CAMTA1: variants seen among roughly 807,000 people sequenced by gnomAD.
CAMTA1 encodes calmodulin-binding transcription activator 1.
CAMTA1 carries 27 observed loss-of-function variants against 170.9 expected under a neutral mutation model. That is an observed-to-expected ratio of 0.16 (90% confidence interval 0.12 to 0.22). CAMTA1 has a LOEUF of 0.22. CAMTA1 is among the 10% of genes least tolerant of loss of function. The probability of loss-of-function intolerance (pLI) is 1.00; values close to 1 mark genes in which losing one functional copy is unlikely to be tolerated. For synonymous variants in CAMTA1, 833 were observed against 891.5 expected (o/e 0.93, Z 1.17); for missense variants, 1,619 against 2,217.2 (o/e 0.73, Z 5.42).
chr1:7,677,856 GC>G (rs1450601466), intron 11 of CAMTA1, 123 bp downstream of exon 11: 2 of 1,144,634 alleles, frequency 1.7e-6, no homozygotes, highest in East Asian at 2.6e-5. Flanking sequence ...GCCAATGTGA[GC>G]AAAGGAAGGC....
At chr1:7,012,999 G>T (rs1477227545) in intron 3 of CAMTA1, among the ~76,000 whole-genome samples, 1 of 151,910 alleles carries the variant, frequency 6.6e-6, no homozygotes, top group Non-Finnish European at 1.5e-5. Context: ...ACTTCATCCT[G>T]CTAGTGTCTT....
At chr1:7,276,523 A>G (rs2149435127) in intron 5 of CAMTA1, among the ~76,000 whole-genome samples, 1 of 151,472 alleles carries the variant, frequency 6.6e-6, no homozygotes, top group South Asian at 2.1e-4. Flanking sequence ...GTTAGCCAGG[A>G]TGGTCTCAAT....
intron 3 of CAMTA1, among the ~76,000 whole-genome samples, chr1:6,950,015 T>C (rs2149470387): frequency 6.6e-6 from 1 of 152,348 alleles, no homozygotes; most frequent in East Asian, 1.9e-4. Context: ...GTGTGCCTGA[T>C]TCCAGGCCCC....
At chr1:7,553,991 A>C (rs2094843626) in intron 6 of CAMTA1, among the ~76,000 whole-genome samples, 1 of 152,132 alleles carries the variant, frequency 6.6e-6, no homozygotes, top group Admixed American at 6.5e-5. Context: ...TGGGCCACAA[A>C]GTGATGGGTT....
intron 6 of CAMTA1, among the ~76,000 whole-genome samples, chr1:7,468,887 G>A (rs1179676197): frequency 6.6e-6 from 1 of 152,198 alleles, no homozygotes; most frequent in Non-Finnish European, 1.5e-5. Context: ...TATGACACAA[G>A]CTCAGGGAGA....
At chr1:7,668,388 A>AACACACACAAACACACACACAC (rs1553241633) in intron 9 of CAMTA1, among the ~76,000 whole-genome samples, 4 of 101,476 alleles carry the variant, frequency 3.9e-5, no homozygotes, top group African/African-American at 1.1e-4. Context: ...GCTGGTCACC[A>AACACACACAAACACACACACAC]ACACACACAC....
In CAMTA1 at chr1:7,560,178, A is replaced by T. The variant is rs1319446545; in HGVS notation, c.511-80222A>T. Among the ~76,000 whole-genome samples the T allele has an allele frequency of 6.6e-5, 10 of 152,176 alleles. No homozygotes were observed. The East Asian group carries it at 1.9e-3, about 29-fold the overall frequency. ...TGTCCCTGGTCCCGAAGGGGGAATG[A>T]GGGCAGCAGGGCCCCCTGGCACCTG... On this transcript the variant is annotated intron_variant, in intron 6 of 22. Coordinates refer to ENST00000303635, the MANE Select transcript of CAMTA1 (RefSeq NM_015215.4).
intron 3 of CAMTA1, among the ~76,000 whole-genome samples, chr1:7,009,145 TCCCTTCCCTTTCTGGGC>T (rs1222319715): frequency 1.3e-5 from 2 of 152,226 alleles, no homozygotes; most frequent in African/African-American, 4.8e-5. Flanking sequence ...CTTGGCCATG[TCCCTTCCCTTTCTGGGC>T]CCCGTTTACT....
intron 5 of CAMTA1, among the ~76,000 whole-genome samples, chr1:7,335,267 C>T (rs1057513224): frequency 2.8e-5 from 4 of 143,004 alleles, no homozygotes; most frequent in Admixed American, 7.1e-5. Context: ...AGGGTAATCC[C>T]GGTTTGCCTT....
At chr1:7,488,733 A>C (rs2093656916) in intron 6 of CAMTA1, among the ~76,000 whole-genome samples, 1 of 152,084 alleles carries the variant, frequency 6.6e-6, no homozygotes, top group Non-Finnish European at 1.5e-5. Flanking sequence ...AGTACACATA[A>C]ATGTACACAT....
chr1:7,398,187 CTCTCTCTA>C (rs1311849391), intron 5 of CAMTA1, among the ~76,000 whole-genome samples: 41 of 38,222 alleles, frequency 1.1e-3, no homozygotes, highest in South Asian at 3.0e-3. Context: ...CTCTCTCTCT[CTCTCTCTA>C]TATATATATA....
intron 3 of CAMTA1, among the ~76,000 whole-genome samples, chr1:6,876,219 C>G (rs191136273): frequency 6.6e-6 from 1 of 151,722 alleles, no homozygotes; most frequent in Non-Finnish European, 1.5e-5. Context: ...TTCGTAGTTC[C>G]CTCTTTCCTT....
intron 7 of CAMTA1, among the ~76,000 whole-genome samples, chr1:7,644,806 C>CT (rs2095792010): frequency 6.6e-6 from 1 of 152,192 alleles, no homozygotes; most frequent in Non-Finnish European, 1.5e-5. Context: ...TAGTTCCATC[C>CT]TAACGTACTT....
chr1:7,284,144 CTTCT>C (rs1557437833), intron 5 of CAMTA1, among the ~76,000 whole-genome samples: 3 of 101,146 alleles, frequency 3.0e-5, no homozygotes, highest in Admixed American at 1.1e-4. Context: ...TCTTCTTCTT[CTTCT>C]TCTTCTTCTT....
intron 4 of CAMTA1, among the ~76,000 whole-genome samples, chr1:7,109,334 G>A (rs1417301303): frequency 6.6e-6 from 1 of 152,166 alleles, no homozygotes; most frequent in African/African-American, 2.4e-5. Flanking sequence ...TGATAAGAGG[G>A]GCAAAGTGTA....
At chr1:7,000,731 G>A (rs1286591255) in intron 3 of CAMTA1, among the ~76,000 whole-genome samples, 1 of 152,104 alleles carries the variant, frequency 6.6e-6, no homozygotes, top group African/African-American at 2.4e-5. Flanking sequence ...CTTACCTGTT[G>A]ACCTCCCCCA....
intron 6 of CAMTA1, among the ~76,000 whole-genome samples, chr1:7,558,803 G>A (rs780139257): frequency 1.1e-4 from 17 of 152,264 alleles, no homozygotes; most frequent in Non-Finnish European, 2.4e-4. Flanking sequence ...AAGGATTTCA[G>A]CAGCTGTAGT....
chr1:7,626,152 C>G (rs2095632229), intron 6 of CAMTA1, among the ~76,000 whole-genome samples: 1 of 152,166 alleles, frequency 6.6e-6, no homozygotes, highest in South Asian at 2.1e-4. Context: ...AAAAAACATA[C>G]AGCCCAATTT....
intron 5 of CAMTA1, among the ~76,000 whole-genome samples, chr1:7,267,578 G>C (rs12037491): frequency 6.6e-6 from 1 of 152,162 alleles, no homozygotes; most frequent in East Asian, 1.9e-4. Flanking sequence ...ATATTTAACT[G>C]TTCAGACCTA....
Sources: gnomAD v4.1 joint callset for allele counts (sites outside exome capture counted in the v4.1 genomes callset) on GRCh38, gnomAD v4.1.1 for gene constraint, MANE v1.5 for transcripts, NCBI Gene and HGNC (gene_info 2026-07-23, HGNC 2026-07-21) for gene names.